Variants in EPN3 observed in about 807,000 individuals in gnomAD.
The protein encoded by EPN3 is epsin-3.
Under a neutral mutation model 55.5 loss-of-function variants are expected in EPN3, and 56 were observed. That is an observed-to-expected ratio of 1.01 (90% CI 0.81 to 1.26). The LOEUF (loss-of-function observed/expected upper bound fraction) is 1.26, where lower values mean the gene tolerates loss of function less well. EPN3 is among the 50% of genes most tolerant of loss of function. EPN3 has a pLI of 0.00. For missense variants in EPN3, 927 were observed against 853.4 expected, an observed-to-expected ratio of 1.09 and a Z score of -1.07; for synonymous variants, 449 against 375.2, an observed-to-expected ratio of 1.20 and a Z score of -2.27.
Position 50,541,064 on chromosome 17 carries a change from T to TA in EPN3, c.1249+4dup. ...CCCTGGAGACCTCCGACACACCTGG[T>TA]AAGAAGAGGGCCAGAGAGTGTGAGT... On this transcript the variant is annotated splice_region_variant and intron_variant, in intron 7 of 9. Transcript: ENST00000268933. The TA allele has an allele frequency of 6.4e-7, 1 of 1,574,164 alleles. No individual in the cohort carries two copies. Among genetic ancestry groups the TA allele is most frequent in the Non-Finnish European group, 8.6e-7 (1 of 1,161,484 alleles).
chr17:50,537,439 C>A, intron 2 of EPN3: 1 of 400,402 alleles, frequency 2.5e-6, no homozygotes, highest in Non-Finnish European at 4.6e-6. Flanking sequence ...GCAACCAGTT[C>A]TCTGAACCTC....
chr17:50,534,228 A>G (rs2034725538), intron 1 of EPN3, among the ~76,000 whole-genome samples: 1 of 151,976 alleles, frequency 6.6e-6, no homozygotes, highest in African/African-American at 2.4e-5. Context: ...GTGCCTCCCC[A>G]TGTTTCTGGC....
intron 6 of EPN3, 148 bp from the exon 7 acceptor site, chr17:50,540,645 G>A (rs2034835029): frequency 9.1e-7 from 1 of 1,098,254 alleles, no homozygotes; most frequent in South Asian, 1.7e-5. Flanking sequence ...TGTCAAATAG[G>A]GGCTCCAGCC....
intron 1 of EPN3, chr17:50,536,136 C>T (rs866619880): frequency 4.5e-5 from 9 of 201,280 alleles, no homozygotes; most frequent in African/African-American, 1.9e-4. Context: ...GAATTACAGG[C>T]GTGAGCCACT....
At chr17:50,541,754 C>CAAAGAGT (rs2034851914) in intron 9 of EPN3, 60 bp downstream of exon 9, 2 of 1,606,194 alleles carry the variant, frequency 1.2e-6, no homozygotes, top group African/African-American at 2.7e-5. Flanking sequence ...TAGCCTCCGC[C>CAAAGAGT]GGAGGAGCCC....
rs980756921 is a variant in EPN3 at position 50,537,148 on chromosome 17, G to A, written c.562+30G>A. On this transcript the variant is annotated intron_variant, in intron 2 of 9. Coordinates refer to ENST00000268933, the MANE Select transcript of EPN3 (RefSeq NM_017957.3). The stretch of plus-strand genomic sequence containing the variant: ...GTAAGCCCCGGTGTGTGGCTGGGAT[G>A]GGGAGGTGGCCCGACTTCCATTCCT... 1.9e-6 allele frequency: 3 copies of A among 1,539,474 alleles called. No individual in the cohort carries two copies. In the African/African-American group the frequency reaches 4.1e-5, roughly 21 times the overall value.
In EPN3 at chr17:50,540,953, T is replaced by A. The variant is rs777116823; in HGVS notation, c.1140T>A (p.Pro380=). The stretch of plus-strand genomic sequence containing the variant: ...CCTGGGGCAGGACCCCAGTGCTGCC[T>A]GCTGGGCCCCCCACCACAGACCCCT... ...SEPWGRTPVL[P]AGPPTTDPWA... Residue 380 remains proline, a synonymous_variant, in exon 7 of 10, where the codon CCT becomes CCA. Transcript: ENST00000268933. 1.2e-6 allele frequency: 2 copies of A among 1,613,526 alleles called. No individual in the cohort carries two copies. The highest frequency in any genetic ancestry group is 1.7e-6 in the Non-Finnish European group (2 of 1,179,908).
intron 1 of EPN3, among the ~76,000 whole-genome samples, chr17:50,533,563 C>G (rs1316905467): frequency 6.6e-6 from 1 of 152,176 alleles, no homozygotes; most frequent in Non-Finnish European, 1.5e-5. Context: ...CTGGACAGAT[C>G]TGGGTTCTCT....
rs1330539164 is a variant in EPN3, at chr17:50,532,939, A to T, written c.-183A>T. 1 of 1,286,006 alleles carries T rather than the reference A, an allele frequency of 7.8e-7. No individual in the cohort carries two copies. Among genetic ancestry groups the T allele is most frequent in the African/African-American group, 1.5e-5 (1 of 65,596 alleles). 79.7% of individuals were successfully genotyped at this position (1,286,006 alleles called of 1,614,324 possible). A position where few individuals can be genotyped will look rare whatever the true frequency, so the allele number is the denominator to read the frequency against. ...GCTGCACAGGTCGGAGGGTCACCGC[A>T]GAGGCTACTCGGGCTGGGGCTGGGG... is the stretch of plus-strand genomic sequence containing the variant. On this transcript the variant is annotated 5_prime_UTR_variant, in exon 1 of 10. Transcript: ENST00000268933.
intron 1 of EPN3, among the ~76,000 whole-genome samples, chr17:50,533,324 C>A (rs1401717199): frequency 6.6e-6 from 1 of 152,170 alleles, no homozygotes; most frequent in African/African-American, 2.4e-5. Flanking sequence ...AGTCCCCCCT[C>A]CCCCATCTTC....
Position 50,540,850 on chromosome 17 carries a change from G to C in EPN3, c.1037G>C (p.Trp346Ser). The C allele has an allele frequency of 6.2e-7, 1 of 1,614,112 alleles. No homozygotes were observed. Among genetic ancestry groups the C allele is most frequent in the Admixed American group, 1.7e-5 (1 of 60,026 alleles). The change falls in exon 7 of 10, where the codon TGG (tryptophan) becomes TCG (serine). Residue 346 changes from tryptophan to serine, a missense_variant. Coordinates refer to ENST00000268933, the MANE Select transcript of EPN3 (RefSeq NM_017957.3). ...GSSWGPSADP[W>S]SPIPSGTVLS... ...TCCTGGGGGCCTTCTGCAGACCCCTGGTCTCCGATCCCCTCAGGAACCGTC... is the reference window on the plus strand; with the variant it reads ...TCCTGGGGGCCTTCTGCAGACCCCTCGTCTCCGATCCCCTCAGGAACCGTC...
chr17:50,538,750 G>T, intron 3 of EPN3, 134 bp from the exon 4 acceptor site: 2 of 596,106 alleles, frequency 3.4e-6, no homozygotes, highest in South Asian at 6.2e-5. Context: ...CCTGCTGACT[G>T]AGCGGCAAAT....
In EPN3 at chr17:50,532,894, C is replaced by A; in HGVS notation, c.-228C>A. On this transcript the variant is annotated 5_prime_UTR_variant, in exon 1 of 10. Coordinates refer to ENST00000268933, the MANE Select transcript of EPN3 (RefSeq NM_017957.3). Reference sequence around the variant, plus strand: ...TGGTGGATGGCTCTGGAGACGCTCCCGAGGCTGTGCCGTCCCGCTGCTGCA... The same window carrying A: ...TGGTGGATGGCTCTGGAGACGCTCCAGAGGCTGTGCCGTCCCGCTGCTGCA... 7.8e-7 allele frequency: 1 copy of A among 1,285,888 alleles called. No homozygotes were observed. Among genetic ancestry groups the A allele is most frequent in the South Asian group, 1.2e-5 (1 of 80,752 alleles). The allele number at this position is 1,285,888 out of a possible 1,614,324, so 79.7% of individuals were successfully genotyped here. A position where few individuals can be genotyped will look rare whatever the true frequency, so the allele number is the denominator to read the frequency against.
At chr17:50,541,758 G>A (rs2034852100) in intron 9 of EPN3, 64 bp downstream of exon 9, 10 of 1,607,690 alleles carry the variant, frequency 6.2e-6, no homozygotes, top group Non-Finnish European at 6.8e-6. Flanking sequence ...CTCCGCCGGA[G>A]GAGCCCACTC....
intron 6 of EPN3, 72 bp downstream of exon 6, chr17:50,540,406 C>G: frequency 7.3e-7 from 1 of 1,372,620 alleles, no homozygotes; most frequent in Admixed American, 2.0e-5. Flanking sequence ...ACTTGCTGGG[C>G]CAAGCACCTC....
Position 50,538,954 on chromosome 17 carries a change from A to T in EPN3, c.752A>T (p.Glu251Val), listed in dbSNP as rs763608305. The T allele has an allele frequency of 1.2e-6, 2 of 1,605,334 alleles. No individual in the cohort carries two copies. Among genetic ancestry groups the T allele is most frequent in the Non-Finnish European group, 1.7e-6 (2 of 1,175,112 alleles). Residue 251 changes from glutamate (E) to valine (V), a missense_variant, in exon 4 of 10, where the codon GAG becomes GTG. Coordinates refer to ENST00000268933, the MANE Select transcript of EPN3 (RefSeq NM_017957.3). ...CTGGCTCTGCGCCTGAGCCGGCAGG[A>T]GCACGAGAAGGTAGTGGGCCGAGCC... ...LQLALRLSRQEHEKEVRSWQG... is the reference protein window; with the variant it reads ...LQLALRLSRQVHEKEVRSWQG...
At chr17:50,540,169 T>C in intron 5 of EPN3, 78 bp from the exon 6 acceptor site, 1 of 1,107,648 alleles carries the variant, frequency 9.0e-7, no homozygotes, top group Non-Finnish European at 1.4e-6. Context: ...TGAACTGGCA[T>C]TAGCCTGACA....
chr17:50,538,115 A>G lies in EPN3; in HGVS notation c.599A>G (p.Glu200Gly). 6.2e-7 allele frequency: 1 copy of G among 1,614,014 alleles called. No individual in the cohort carries two copies. The highest frequency in any genetic ancestry group is 8.5e-7 in the Non-Finnish European group (1 of 1,179,992). ...SSSPRYTSDLEQARPQTSGEE... is the reference protein window; with the variant it reads ...SSSPRYTSDLGQARPQTSGEE... ...TCACCCCGCTATACCTCCGACCTGG[A>G]GCAGGCCCGGCCTCAGACGTCAGGG... is the stretch of plus-strand genomic sequence containing the variant. The change falls in exon 3 of 10, where the codon GAG becomes GGG. Residue 200 changes from glutamate to glycine, a missense_variant. By Grantham distance (98) the Glu-to-Gly change is moderately conservative. Transcript: ENST00000268933.
chr17:50,541,004 A>G lies in EPN3; in HGVS notation c.1191A>G (p.Lys397=), dbSNP rs750424894. Residue 397 remains lysine, a synonymous_variant, in exon 7 of 10, where the codon AAA becomes AAG. Transcript: ENST00000268933. ...DPWALNSPHH[K]LPSTGADPWG... ...GGGCCCTGAACTCTCCCCACCACAAACTCCCCAGCACTGGGGCTGACCCTT... is the reference window on the plus strand; with the variant it reads ...GGGCCCTGAACTCTCCCCACCACAAGCTCCCCAGCACTGGGGCTGACCCTT... The G allele has an allele frequency of 3.2e-5, 52 of 1,602,150 alleles. No homozygotes were observed. The highest frequency in any genetic ancestry group is 3.7e-5 in the Non-Finnish European group (44 of 1,173,936).
Sources: gnomAD v4.1 joint callset for allele counts (sites outside exome capture counted in the v4.1 genomes callset) on GRCh38, gnomAD v4.1.1 for gene constraint, MANE v1.5 for transcripts, NCBI Gene and HGNC (gene_info 2026-07-23, HGNC 2026-07-21) for gene names.